Variants in ATRNL1 observed in about 807,000 individuals in gnomAD.
ATRNL1 encodes the protein attractin like 1.
In ATRNL1, 95 loss-of-function variants were observed where a neutral mutation model predicts 182.7. The observed-to-expected ratio is 0.52, with a 90% CI of 0.44 to 0.62. The LOEUF (loss-of-function observed/expected upper bound fraction) is 0.62. Ranked by LOEUF, ATRNL1 falls within the 20% of genes least tolerant of loss-of-function variation. The pLI, the probability that ATRNL1 is intolerant of heterozygous loss-of-function variation, is 0.00. For synonymous variants in ATRNL1, 576 were observed against 568.3 expected, an observed-to-expected ratio of 1.01 and a Z score of -0.19; for missense variants, 1,471 against 1,679.5, an observed-to-expected ratio of 0.88 and a Z score of 2.17.
At chr10:115,780,655 G>GC (rs1259222110) in intron 27 of ATRNL1, among the ~76,000 whole-genome samples, 1 of 152,158 alleles carries the variant, frequency 6.6e-6, no homozygotes, top group Non-Finnish European at 1.5e-5. Context: ...GAGTCATGAG[G>GC]CCCCCTTTCC....
chr10:115,514,320 A>T (rs1288342922), intron 24 of ATRNL1, among the ~76,000 whole-genome samples: 1 of 151,982 alleles, frequency 6.6e-6, no homozygotes, highest in Non-Finnish European at 1.5e-5. Context: ...GAAAACTTTT[A>T]CATTTGTCTT....
At chr10:115,237,080 C>A (rs1236825376) in intron 9 of ATRNL1, among the ~76,000 whole-genome samples, 1 of 152,126 alleles carries the variant, frequency 6.6e-6, no homozygotes, top group Non-Finnish European at 1.5e-5. Context: ...GACATAATAG[C>A]CCATGTCTTT....
At chr10:115,584,738 C>G (rs1416639351) in intron 26 of ATRNL1, among the ~76,000 whole-genome samples, 1 of 152,054 alleles carries the variant, frequency 6.6e-6, no homozygotes, top group African/African-American at 2.4e-5. Flanking sequence ...CTTTTTGTGT[C>G]TCTATTTCCT....
chr10:115,214,309 A>AATATATAT (rs3086142), intron 8 of ATRNL1, among the ~76,000 whole-genome samples: 24 of 148,790 alleles, frequency 1.6e-4, no homozygotes, highest in African/African-American at 5.4e-4. Context: ...TTTTAGTTCA[A>AATATATAT]ATATATATAT....
At chr10:115,282,524 G>T (rs1852418177) in intron 14 of ATRNL1, among the ~76,000 whole-genome samples, 1 of 151,166 alleles carries the variant, frequency 6.6e-6, no homozygotes, top group African/African-American at 2.4e-5. Context: ...ATAAACTACA[G>T]CAAAGCTCAT....
At chr10:115,426,061 A>G (rs1845870304) in intron 20 of ATRNL1, among the ~76,000 whole-genome samples, 189 bp from the exon 21 acceptor site, 1 of 152,038 alleles carries the variant, frequency 6.6e-6, no homozygotes, top group Non-Finnish European at 1.5e-5. Context: ...TTTTTCTCAT[A>G]TATAAAGCTT....
chr10:115,403,540 C>T (rs1844678972), intron 20 of ATRNL1, among the ~76,000 whole-genome samples: 1 of 152,114 alleles, frequency 6.6e-6, no homozygotes, highest in Non-Finnish European at 1.5e-5. Flanking sequence ...ACTGCAACCT[C>T]CACTCTCTGG....
chr10:115,261,792 G>A (rs1266127528), intron 10 of ATRNL1, among the ~76,000 whole-genome samples: 1 of 152,054 alleles, frequency 6.6e-6, no homozygotes, highest in East Asian at 1.9e-4. Flanking sequence ...AACTCTGGAG[G>A]CTGAGGCAGG....
In ATRNL1 at chr10:115,265,101, G is replaced by T. The variant is rs560238599; in HGVS notation, c.1688-92G>T. The T allele has an allele frequency of 2.5e-5, 19 of 766,574 alleles. No homozygotes were observed. The East Asian group carries it at 4.8e-4, about 19-fold the overall frequency. The allele number at this position is 766,574 out of a possible 1,614,324, so 47.5% of individuals were successfully genotyped here. On this transcript the variant is annotated intron_variant, in intron 10 of 28. Transcript: ENST00000355044. ...TTTTTGCTTCCTGCTTATGCATAGTGTATCTTTAATTCGGCCAATGATGTT... is the reference window on the plus strand; with the variant it reads ...TTTTTGCTTCCTGCTTATGCATAGTTTATCTTTAATTCGGCCAATGATGTT...
At chr10:115,459,451 C>G (rs1232275263) in intron 21 of ATRNL1, among the ~76,000 whole-genome samples, 1 of 152,086 alleles carries the variant, frequency 6.6e-6, no homozygotes, top group Non-Finnish European at 1.5e-5. Context: ...ACTGGCCCTC[C>G]TGGGGCGTAC....
intron 24 of ATRNL1, among the ~76,000 whole-genome samples, chr10:115,489,760 T>G (rs1849207033): frequency 6.6e-6 from 1 of 152,192 alleles, no homozygotes; most frequent in Non-Finnish European, 1.5e-5. Flanking sequence ...AATTTGATCT[T>G]GTCATTATGA....
At chr10:115,389,986 G>C (rs1651797948) in intron 19 of ATRNL1, among the ~76,000 whole-genome samples, 2 of 151,932 alleles carry the variant, frequency 1.3e-5, no homozygotes, top group African/African-American at 2.4e-5. Context: ...TTGGCCATTT[G>C]TATGTCTGCT....
chr10:115,640,484 TG>T (rs1555029905), intron 26 of ATRNL1, among the ~76,000 whole-genome samples: 1 of 152,228 alleles, frequency 6.6e-6, no homozygotes, highest in Non-Finnish European at 1.5e-5. Flanking sequence ...TGGCATGAGA[TG>T]GTACCTCATT....
intron 24 of ATRNL1, among the ~76,000 whole-genome samples, chr10:115,504,787 C>A (rs1014032400): frequency 3.6e-4 from 54 of 151,908 alleles, no homozygotes; most frequent in Non-Finnish European, 6.3e-4. Context: ...TTGATTTAAG[C>A]ACTTTTATTT....
At chr10:115,400,146 A>G (rs928192442) in intron 20 of ATRNL1, among the ~76,000 whole-genome samples, 5 of 152,094 alleles carry the variant, frequency 3.3e-5, no homozygotes, top group African/African-American at 1.2e-4. Context: ...AAAAGAAGAC[A>G]TATATGTGGC....
chr10:115,800,490 T>C (rs1241156262), intron 27 of ATRNL1, among the ~76,000 whole-genome samples: 4 of 152,112 alleles, frequency 2.6e-5, no homozygotes, highest in African/African-American at 4.8e-5. Flanking sequence ...AAATGAAGTA[T>C]GTTACCATCT....
chr10:115,301,268 G>A (rs1433205006), intron 16 of ATRNL1, among the ~76,000 whole-genome samples: 1 of 152,124 alleles, frequency 6.6e-6, no homozygotes, highest in East Asian at 1.9e-4. Flanking sequence ...ATAGCCAGAA[G>A]CAGAATTACA....
intron 26 of ATRNL1, among the ~76,000 whole-genome samples, chr10:115,561,704 G>GGTGTGTGTGTGTGTGTGTGT (rs71010029): frequency 1.4e-5 from 2 of 144,930 alleles, no homozygotes; most frequent in Non-Finnish European, 3.0e-5. Context: ...TGTGTGTGTG[G>GGTGTGTGTGTGTGTGTGTGT]GTGTGTGTGT....
At chr10:115,315,778 G>A (rs781818985) in intron 18 of ATRNL1, 42 bp downstream of exon 18, 25 of 1,525,786 alleles carry the variant, frequency 1.6e-5, no homozygotes, top group Non-Finnish European at 2.1e-5. Flanking sequence ...TTCTGCTTAA[G>A]GGATCCAAGA....
Sources: allele counts gnomAD v4.1 joint callset (sites outside exome capture counted in the v4.1 genomes callset), GRCh38; gene constraint gnomAD v4.1.1; transcripts MANE v1.5; gene names NCBI Gene and HGNC (gene_info 2026-07-23, HGNC 2026-07-21).